The following EYS variants were observed in gnomAD, a reference collection of about 807,000 sequenced individuals.
EYS encodes the protein EGF-like photoreceptor maintenance factor.
A neutral mutation model predicts 282.1 loss-of-function variants in EYS; 250 were observed. That is an observed-to-expected ratio of 0.89 (90% CI 0.80 to 0.98). EYS has a LOEUF of 0.98. EYS is among the 50% of genes least tolerant of loss of function. The pLI, the probability that EYS is intolerant of heterozygous loss-of-function variation, is 0.00. For missense variants in EYS, 4,016 were observed against 3,709.0 expected (o/e 1.08, Z -2.15); for synonymous variants, 1,355 against 1,282.9 (o/e 1.06, Z -1.20).
At chr6:64,989,437 A>G (rs1770978687) in intron 14 of EYS, among the ~76,000 whole-genome samples, 1 of 105,938 alleles carries the variant, frequency 9.4e-6, no homozygotes, top group African/African-American at 4.4e-5. Context: ...GAGAAACAGG[A>G]AGAGGCTATT....
At chr6:64,055,762 C>T (rs1032860067) in intron 33 of EYS, among the ~76,000 whole-genome samples, 1 of 152,064 alleles carries the variant, frequency 6.6e-6, no homozygotes, top group South Asian at 2.1e-4. Context: ...GGTCACTCCT[C>T]GTAAGAAACA....
At chr6:64,634,101 A>G (rs1374472004) in intron 22 of EYS, among the ~76,000 whole-genome samples, 2 of 152,190 alleles carry the variant, frequency 1.3e-5, no homozygotes, top group Non-Finnish European at 2.9e-5. Flanking sequence ...CTCCTGCCTC[A>G]GCCTCCCAAG....
intron 42 of EYS, among the ~76,000 whole-genome samples, chr6:63,722,436 C>T (rs1160552645): frequency 1.3e-5 from 2 of 152,118 alleles, no homozygotes; most frequent in Admixed American, 6.6e-5. Flanking sequence ...CTAGGTTTCC[C>T]TCCATTACAG....
chr6:65,507,393 G>T (rs1023978384), intron 2 of EYS, among the ~76,000 whole-genome samples: 2 of 151,970 alleles, frequency 1.3e-5, no homozygotes, highest in Admixed American at 6.6e-5. Flanking sequence ...CATGCCTAGA[G>T]AAATTTTTTT....
chr6:64,579,925 A>G (rs1009146579), intron 26 of EYS, among the ~76,000 whole-genome samples: 1 of 152,114 alleles, frequency 6.6e-6, no homozygotes, highest in Non-Finnish European at 1.5e-5. Flanking sequence ...ACCTGTTCAA[A>G]GTCACTCTTA....
chr6:64,358,418 C>G (rs1771902143), intron 29 of EYS, among the ~76,000 whole-genome samples: 1 of 151,630 alleles, frequency 6.6e-6, no homozygotes. Context: ...GCTCTGGTAC[C>G]TACAGGTATT....
chr6:64,463,294 T>A (rs575146674), intron 26 of EYS, among the ~76,000 whole-genome samples: 30 of 152,238 alleles, frequency 2.0e-4, no homozygotes, highest in Non-Finnish European at 3.8e-4. Flanking sequence ...GGACTCTGCC[T>A]CCCATATCAG....
intron 22 of EYS, among the ~76,000 whole-genome samples, chr6:64,801,996 TAA>T (rs1333866212): frequency 6.7e-6 from 1 of 149,300 alleles, no homozygotes; most frequent in Non-Finnish European, 1.5e-5. Flanking sequence ...TAATTTGTTA[TAA>T]GAGAGTTATA....
intron 2 of EYS, among the ~76,000 whole-genome samples, chr6:65,539,494 A>T (rs951801266): frequency 6.6e-6 from 1 of 152,214 alleles, no homozygotes; most frequent in African/African-American, 2.4e-5. Context: ...AAACAGAATG[A>T]TAACACTCAA....
chr6:65,352,005 G>A (rs1582174209), intron 9 of EYS, among the ~76,000 whole-genome samples: 1 of 151,708 alleles, frequency 6.6e-6, no homozygotes, highest in Non-Finnish European at 1.5e-5. Context: ...TTATAAAATA[G>A]TAAGTATTCA....
intron 36 of EYS, among the ~76,000 whole-genome samples, chr6:63,823,189 C>A (rs1381613466): frequency 2.0e-5 from 3 of 151,994 alleles, no homozygotes; most frequent in Non-Finnish European, 2.9e-5. Flanking sequence ...ACCTTTTTCT[C>A]CCCCCTACAG....
intron 22 of EYS, among the ~76,000 whole-genome samples, chr6:64,627,224 C>G (rs1336599435): frequency 6.6e-6 from 1 of 152,040 alleles, no homozygotes; most frequent in Non-Finnish European, 1.5e-5. Context: ...AGCACTGAGC[C>G]CAGTTGGGAA....
intron 22 of EYS, among the ~76,000 whole-genome samples, chr6:64,696,967 A>G (rs1489664870): frequency 1.3e-5 from 2 of 152,210 alleles, no homozygotes; most frequent in Non-Finnish European, 2.9e-5. Context: ...AGAAAATGCT[A>G]TCAAACCACA....
At chr6:64,833,762 A>C (rs1237535908) in intron 19 of EYS, among the ~76,000 whole-genome samples, 2 of 151,900 alleles carry the variant, frequency 1.3e-5, no homozygotes, top group Non-Finnish European at 2.9e-5. Flanking sequence ...GTACATGATA[A>C]GCACTGAAAT....
At chr6:64,768,895 A>G (rs1773437137) in intron 22 of EYS, among the ~76,000 whole-genome samples, 1 of 152,100 alleles carries the variant, frequency 6.6e-6, no homozygotes, top group African/African-American at 2.4e-5. Flanking sequence ...TTGTAGGGCC[A>G]TGACAAGGAA....
intron 32 of EYS, among the ~76,000 whole-genome samples, chr6:64,069,290 T>C (rs1023582694): frequency 2.0e-5 from 3 of 152,126 alleles, no homozygotes; most frequent in Non-Finnish European, 4.4e-5. Flanking sequence ...TGATTTCTAA[T>C]TGATCCAAAA....
intron 36 of EYS, among the ~76,000 whole-genome samples, chr6:63,852,113 C>T (rs1212560759): frequency 2.8e-5 from 4 of 141,548 alleles, no homozygotes; most frequent in East Asian, 2.2e-4. Context: ...GCCGAGATCC[C>T]GCCACTGCAC....
intron 35 of EYS, among the ~76,000 whole-genome samples, chr6:63,941,707 G>T (rs368196566): frequency 7.9e-5 from 12 of 152,154 alleles, no homozygotes; most frequent in African/African-American, 2.4e-5. Context: ...ATAAGCTAAT[G>T]CTACTGTTTG....
chr6:65,449,725 C>T (rs547429684), intron 5 of EYS, among the ~76,000 whole-genome samples: 1 of 152,054 alleles, frequency 6.6e-6, no homozygotes, highest in Admixed American at 6.6e-5. Flanking sequence ...TTGTTCATTT[C>T]CTCCCTTTAC....
Sources: gnomAD v4.1 joint callset for allele counts (sites outside exome capture counted in the v4.1 genomes callset) on GRCh38, gnomAD v4.1.1 for gene constraint, MANE v1.5 for transcripts, NCBI Gene and HGNC (gene_info 2026-07-23, HGNC 2026-07-21) for gene names.